The following DAB1 variants were observed in gnomAD, a reference collection of about 807,000 sequenced individuals.
The protein encoded by DAB1 is disabled homolog 1.
A neutral mutation model predicts 64.6 loss-of-function variants in DAB1; 15 were observed. That is an observed-to-expected ratio of 0.23 (90% CI 0.16 to 0.36). DAB1 has a LOEUF of 0.36. Among genes scored for constraint, DAB1 ranks in the 10% least tolerant of loss-of-function variants. DAB1 has a pLI of 1.00. For missense variants in DAB1, 596 were observed against 706.7 expected, an observed-to-expected ratio of 0.84 and a Z score of 1.78; for synonymous variants, 235 against 251.9, an observed-to-expected ratio of 0.93 and a Z score of 0.64.
At chr1:58,040,307 T>C (rs879336476) in intron 5 of DAB1, among the ~76,000 whole-genome samples, 9 of 152,194 alleles carry the variant, frequency 5.9e-5, no homozygotes, top group Non-Finnish European at 1.0e-4. Context: ...TGATTAAATC[T>C]TAATAAGAGT....
chr1:57,163,512 A>T (rs562071636), intron 2 of DAB1, among the ~76,000 whole-genome samples: 1 of 152,030 alleles, frequency 6.6e-6, no homozygotes, highest in Admixed American at 6.5e-5. Context: ...CTGCTTTGTG[A>T]GGCAAGGTAA....
intron 6 of DAB1, among the ~76,000 whole-genome samples, chr1:57,709,962 GC>G: frequency 6.6e-6 from 1 of 152,212 alleles, no homozygotes; most frequent in South Asian, 2.1e-4. Flanking sequence ...TTCTACTTTT[GC>G]GACTTGATTT....
At chr1:57,107,631 T>C (rs984365162) in intron 4 of DAB1, among the ~76,000 whole-genome samples, 2 of 152,040 alleles carry the variant, frequency 1.3e-5, no homozygotes, top group Non-Finnish European at 2.9e-5. Context: ...CAACAGCCCA[T>C]GGAATATAAA....
At position 57,291,063 on chromosome 1, in the gene DAB1, C is replaced by G; in HGVS notation, c.-33G>C. On this transcript the variant is annotated 5_prime_UTR_variant, in exon 2 of 15. Transcript: ENST00000371236. The stretch of plus-strand genomic sequence containing the variant: ...AATCCTTAGTCCACTTCACACAGAT[C>G]CCGGGCCTCGGCCAGGCTCATTGAG... 1 of 1,544,986 alleles carries G rather than the reference C, an allele frequency of 6.5e-7. No individual in the cohort carries two copies. The highest frequency in any genetic ancestry group is 8.8e-7 in the Non-Finnish European group (1 of 1,132,140).
chr1:57,662,061 A>G (rs114291602), intron 6 of DAB1, among the ~76,000 whole-genome samples: 185 of 152,294 alleles, frequency 1.2e-3, no homozygotes, highest in African/African-American at 4.3e-3. Context: ...CAAGAAGACA[A>G]TCAGAGATTC....
intron 7 of DAB1, among the ~76,000 whole-genome samples, chr1:57,516,544 G>C (rs755925513): frequency 6.6e-6 from 1 of 152,142 alleles, no homozygotes; most frequent in Non-Finnish European, 1.5e-5. Context: ...ACAATGACAC[G>C]TTGAGAACAA....
intron 4 of DAB1, among the ~76,000 whole-genome samples, chr1:58,223,522 A>G (rs186545499): frequency 8.5e-5 from 13 of 152,250 alleles, no homozygotes; most frequent in Admixed American, 7.2e-4. Context: ...ATTCAATTGC[A>G]CAAGGCTGAT....
chr1:57,706,118 A>T (rs1373499948), intron 6 of DAB1, among the ~76,000 whole-genome samples: 1 of 152,176 alleles, frequency 6.6e-6, no homozygotes, highest in Non-Finnish European at 1.5e-5. Flanking sequence ...ACATGTGCTC[A>T]TGTGACACTG....
At chr1:57,693,583 G>A (rs185579204) in intron 6 of DAB1, among the ~76,000 whole-genome samples, 128 of 152,276 alleles carry the variant, frequency 8.4e-4, no homozygotes, top group Admixed American at 2.0e-3. Flanking sequence ...AGACAGCAGC[G>A]GCAACCTGCT....
At chr1:58,057,378 T>C (rs1415345774) in intron 5 of DAB1, among the ~76,000 whole-genome samples, 1 of 152,162 alleles carries the variant, frequency 6.6e-6, no homozygotes, top group Non-Finnish European at 1.5e-5. Context: ...TTCTTGCAAA[T>C]GTATTTAGTT....
intron 14 of DAB1, 146 bp downstream of exon 14, chr1:57,010,534 A>C: frequency 2.2e-6 from 1 of 452,584 alleles, no homozygotes; most frequent in East Asian, 3.3e-5. Flanking sequence ...AGTTCAGGGA[A>C]GGAGCGATGG....
At chr1:57,752,152 G>A (rs1183479453) in intron 6 of DAB1, among the ~76,000 whole-genome samples, 1 of 152,186 alleles carries the variant, frequency 6.6e-6, no homozygotes, top group Non-Finnish European at 1.5e-5. Flanking sequence ...TGAGTTCTCC[G>A]CTCATATAAT....
At chr1:58,225,706 G>A (rs555959177) in intron 4 of DAB1, among the ~76,000 whole-genome samples, 12 of 150,348 alleles carry the variant, frequency 8.0e-5, no homozygotes, top group South Asian at 2.1e-4. Flanking sequence ...GCAAACTATC[G>A]CAAGGACAAA....
chr1:57,093,991 A>G (rs1653924843), intron 4 of DAB1, among the ~76,000 whole-genome samples: 1 of 151,862 alleles, frequency 6.6e-6, no homozygotes, highest in Non-Finnish European at 1.5e-5. Flanking sequence ...CGCCTGTAAT[A>G]CCAGCTATGC....
chr1:57,188,371 A>T (rs561800509), intron 2 of DAB1, among the ~76,000 whole-genome samples: 1 of 152,262 alleles, frequency 6.6e-6, no homozygotes, highest in South Asian at 2.1e-4. Context: ...CAGTGTGAGT[A>T]ATCGACAGAA....
chr1:57,668,719 C>T (rs1418760203), intron 6 of DAB1, among the ~76,000 whole-genome samples: 1 of 152,080 alleles, frequency 6.6e-6, no homozygotes, highest in Non-Finnish European at 1.5e-5. Flanking sequence ...CAAAAGGACA[C>T]TCTCTAGATC....
chr1:57,691,212 C>T (rs1646759838), intron 6 of DAB1, among the ~76,000 whole-genome samples: 1 of 152,112 alleles, frequency 6.6e-6, no homozygotes, highest in South Asian at 2.1e-4. Context: ...ATTGTAAAGG[C>T]ACCAACCAGC....
intron 4 of DAB1, among the ~76,000 whole-genome samples, chr1:57,127,900 C>A (rs1657280080): frequency 6.6e-6 from 1 of 152,162 alleles, no homozygotes; most frequent in Admixed American, 6.6e-5. Flanking sequence ...GTAATCCCAG[C>A]ACTTTGGGAG....
intron 7 of DAB1, among the ~76,000 whole-genome samples, chr1:57,513,620 G>A (rs2793650): frequency 0.95 from 145,142 of 152,292 alleles, 69,530 homozygotes; most frequent in East Asian, 1. Flanking sequence ...TTTGAAATAT[G>A]TATACATTGT....
Sources: allele counts gnomAD v4.1 joint callset (sites outside exome capture counted in the v4.1 genomes callset), GRCh38; gene constraint gnomAD v4.1.1; transcripts MANE v1.5; gene names NCBI Gene and HGNC (gene_info 2026-07-23, HGNC 2026-07-21).